The following SYT1 variants were observed in gnomAD, a reference collection of about 807,000 sequenced individuals.
SYT1 encodes synaptotagmin-1.
In SYT1, 8 loss-of-function variants were observed where a neutral mutation model predicts 44.8. The observed-to-expected ratio is 0.18, with a 90% CI of 0.10 to 0.32. The LOEUF is 0.32. Among genes scored for constraint, SYT1 ranks in the 10% least tolerant of loss-of-function variants. The pLI is 1.00. For missense variants in SYT1, 286 were observed against 509.3 expected, an observed-to-expected ratio of 0.56 and a Z score of 4.22; for synonymous variants, 154 against 188.8, an observed-to-expected ratio of 0.82 and a Z score of 1.51.
At chr12:79,064,967 A>AGAAAGAAAGAAAGAAG (rs1565789352) in intron 3 of SYT1, among the ~76,000 whole-genome samples, 3 of 150,950 alleles carry the variant, frequency 2.0e-5, no homozygotes, top group African/African-American at 4.9e-5. Context: ...AAAGAAAGAA[A>AGAAAGAAAGAAAGAAG]GAAAGAAAGA....
chr12:79,169,582 A>G (rs935292233), intron 3 of SYT1, among the ~76,000 whole-genome samples: 1 of 152,040 alleles, frequency 6.6e-6, no homozygotes, highest in Non-Finnish European at 1.5e-5. Context: ...ATTCACCTGC[A>G]AAAGTTACAA....
intron 9 of SYT1, among the ~76,000 whole-genome samples, chr12:79,399,049 G>A (rs1884976347): frequency 6.6e-6 from 1 of 152,132 alleles, no homozygotes; most frequent in Admixed American, 6.6e-5. Flanking sequence ...GTCAGTCAAT[G>A]TTGACAACAT....
At chr12:79,072,010 GATTTA>G (rs1459196989) in intron 3 of SYT1, among the ~76,000 whole-genome samples, 1 of 151,916 alleles carries the variant, frequency 6.6e-6, no homozygotes. Context: ...AAAAGGTAAT[GATTTA>G]ATTAAAACAT....
intron 1 of SYT1, among the ~76,000 whole-genome samples, chr12:78,957,380 G>T (rs1427460970): frequency 6.6e-6 from 1 of 152,086 alleles, no homozygotes; most frequent in Non-Finnish European, 1.5e-5. Flanking sequence ...AAATAAAAGT[G>T]CTTTCTAAGT....
At chr12:79,068,967 G>T (rs1876076670) in intron 3 of SYT1, among the ~76,000 whole-genome samples, 1 of 152,098 alleles carries the variant, frequency 6.6e-6, no homozygotes, top group African/African-American at 2.4e-5. Flanking sequence ...GATCAGTATA[G>T]CTTACCTGTT....
At chr12:79,116,830 C>G (rs2138113564) in intron 3 of SYT1, among the ~76,000 whole-genome samples, 1 of 152,278 alleles carries the variant, frequency 6.6e-6, no homozygotes, top group South Asian at 2.1e-4. Flanking sequence ...ATCTCAGAGC[C>G]TACACCAAAA....
At chr12:78,960,773 G>C (rs1261073082) in intron 1 of SYT1, 1 of 152,098 alleles carries the variant, frequency 6.6e-6, no homozygotes, top group Non-Finnish European at 1.5e-5. Flanking sequence ...CTAGCTAAAA[G>C]TTTTAAAGAA....
chr12:78,917,446 C>T (rs1222600678), intron 1 of SYT1, among the ~76,000 whole-genome samples: 1 of 151,914 alleles, frequency 6.6e-6, no homozygotes, highest in East Asian at 1.9e-4. Flanking sequence ...GAACATCACA[C>T]ACTGGGGCCT....
chr12:78,921,491 A>AC (rs1169537039), intron 1 of SYT1, among the ~76,000 whole-genome samples: 1 of 151,852 alleles, frequency 6.6e-6, no homozygotes, highest in African/African-American at 2.4e-5. Context: ...CTTAAACCAG[A>AC]TTTTTTTTCT....
chr12:78,974,753 A>G (rs1400754949), intron 1 of SYT1, among the ~76,000 whole-genome samples: 1 of 152,138 alleles, frequency 6.6e-6, no homozygotes, highest in Non-Finnish European at 1.5e-5. Flanking sequence ...TTATTTTTTA[A>G]ACCAATATAA....
At chr12:79,144,176 A>G (rs1378122726) in intron 3 of SYT1, among the ~76,000 whole-genome samples, 1 of 152,200 alleles carries the variant, frequency 6.6e-6, no homozygotes, top group East Asian at 1.9e-4. Flanking sequence ...AAAGTGTGCC[A>G]TCTATTATTA....
intron 1 of SYT1, among the ~76,000 whole-genome samples, chr12:78,950,013 C>T (rs1333846922): frequency 6.6e-6 from 1 of 151,888 alleles, no homozygotes; most frequent in South Asian, 2.1e-4. Context: ...TTTCTGTTAA[C>T]CCACAATTCT....
chr12:79,204,547 T>C (rs1783307808), intron 3 of SYT1, among the ~76,000 whole-genome samples: 1 of 152,214 alleles, frequency 6.6e-6, no homozygotes, highest in South Asian at 2.1e-4. Context: ...ATTGGCTTGC[T>C]TCAACTAAGC....
chr12:79,314,337 A>C (rs1307262500), intron 8 of SYT1, among the ~76,000 whole-genome samples: 1 of 152,116 alleles, frequency 6.6e-6, no homozygotes, highest in Non-Finnish European at 1.5e-5. Flanking sequence ...ATTGTCATAC[A>C]TGGTTTTAAT....
intron 1 of SYT1, among the ~76,000 whole-genome samples, chr12:78,887,912 CTGT>C (rs1874835905): frequency 1.3e-5 from 2 of 151,874 alleles, no homozygotes; most frequent in African/African-American, 4.8e-5. Context: ...CAGGTTTACA[CTGT>C]TAAGATTTAA....
chr12:79,355,971 T>C (rs1883095563), intron 9 of SYT1, among the ~76,000 whole-genome samples: 1 of 151,912 alleles, frequency 6.6e-6, no homozygotes, highest in Non-Finnish European at 1.5e-5. Context: ...TACCAAGAGA[T>C]AACAGGTGCT....
chr12:79,036,947 T>A (rs1873173529), intron 2 of SYT1, among the ~76,000 whole-genome samples: 1 of 151,800 alleles, frequency 6.6e-6, no homozygotes, highest in Non-Finnish European at 1.5e-5. Context: ...TCAGAATAGA[T>A]GAAGTGATTT....
chr12:78,902,743 T>C (rs1347276334), intron 1 of SYT1, among the ~76,000 whole-genome samples: 1 of 152,128 alleles, frequency 6.6e-6, no homozygotes, highest in Non-Finnish European at 1.5e-5. Flanking sequence ...TGCACACACA[T>C]TAACTGTAAA....
At chr12:79,154,956 A>T (rs909350168) in intron 3 of SYT1, among the ~76,000 whole-genome samples, 12 of 152,160 alleles carry the variant, frequency 7.9e-5, no homozygotes, top group African/African-American at 2.7e-4. Context: ...CTACTCCCAC[A>T]TGAAACAGCC....
Sources: allele counts gnomAD v4.1 joint callset (sites outside exome capture counted in the v4.1 genomes callset), GRCh38; gene constraint gnomAD v4.1.1; transcripts MANE v1.5; gene names NCBI Gene and HGNC (gene_info 2026-07-23, HGNC 2026-07-21).